The following GRIA3 variants were observed in gnomAD, a reference collection of about 807,000 sequenced individuals.
GRIA3 encodes glutamate receptor 3.
Under a neutral mutation model 63.0 loss-of-function variants are expected in GRIA3, and 3 were observed. The ratio of observed to expected loss-of-function variants is 0.05; its 90% CI spans 0.02 to 0.12. The LOEUF is 0.12. Among genes scored for constraint, GRIA3 ranks in the 10% least tolerant of loss-of-function variants. GRIA3 has a pLI of 1.00. For missense variants in GRIA3, 347 were observed against 700.9 expected (o/e 0.50, Z 5.70); for synonymous variants, 274 against 257.9 (o/e 1.06, Z -0.60).
At chrX:123,377,008 C>A (rs1346964910) in intron 5 of GRIA3, among the ~76,000 whole-genome samples, 1 of 102,107 alleles carries the variant, frequency 9.8e-6, no homozygotes, top group Admixed American at 1.1e-4. Context: ...TATCTCGGCT[C>A]ACTGGAAGCT....
At chrX:123,461,578 A>G (rs1290916668) in intron 12 of GRIA3, among the ~76,000 whole-genome samples, 1 of 111,985 alleles carries the variant, frequency 8.9e-6, no homozygotes, top group African/African-American at 3.2e-5. Flanking sequence ...TGTAACCAAG[A>G]TCATAAGCAC....
At chrX:123,209,199 T>C (rs952665089) in intron 2 of GRIA3, among the ~76,000 whole-genome samples, 2 of 111,854 alleles carry the variant, frequency 1.8e-5, no homozygotes, top group East Asian at 5.6e-4. Flanking sequence ...ACTAACCATA[T>C]TAGCTTGTAC....
chrX:123,376,547 T>C (rs1206723549), intron 5 of GRIA3, among the ~76,000 whole-genome samples: 1 of 112,608 alleles, frequency 8.9e-6, no homozygotes, highest in Non-Finnish European at 1.9e-5. Context: ...CATAATACAC[T>C]TTGAACCATG....
At chrX:123,290,586 C>CTGTGTGTGTGTGTG (rs761564682) in intron 3 of GRIA3, among the ~76,000 whole-genome samples, 3 of 90,173 alleles carry the variant, frequency 3.3e-5, no homozygotes, top group African/African-American at 8.1e-5. Context: ...CCTCAAAGGA[C>CTGTGTGTGTGTGTG]TGTGTGTGTG....
intron 3 of GRIA3, among the ~76,000 whole-genome samples, chrX:123,323,484 T>C (rs2147331023): frequency 8.9e-6 from 1 of 112,393 alleles, no homozygotes; most frequent in South Asian, 3.7e-4. Context: ...ATTTCTCCAT[T>C]GCTTATAATT....
intron 12 of GRIA3, among the ~76,000 whole-genome samples, chrX:123,458,947 T>C (rs376826217): frequency 8.9e-6 from 1 of 111,934 alleles, no homozygotes; most frequent in Non-Finnish European, 1.9e-5. Context: ...GAAGTAATGA[T>C]TCCGTAAATA....
intron 13 of GRIA3, 21 bp downstream of exon 13, chrX:123,465,133 A>G (rs1430926431): frequency 1.7e-6 from 2 of 1,193,866 alleles, no homozygotes; most frequent in African/African-American, 3.5e-5. Context: ...TAATATAACA[A>G]TATCCGTGTT....
At chrX:123,450,547 A>C (rs781417570) in intron 12 of GRIA3, among the ~76,000 whole-genome samples, 1 of 112,847 alleles carries the variant, frequency 8.9e-6, no homozygotes, top group South Asian at 3.7e-4. Flanking sequence ...AGAGAGAAGA[A>C]GGAGAATATA....
chrX:123,263,989 C>T (rs778638084), intron 3 of GRIA3, among the ~76,000 whole-genome samples: 1 of 111,776 alleles, frequency 8.9e-6, no homozygotes, highest in African/African-American at 3.3e-5. Flanking sequence ...TTCCCCTCCC[C>T]CTAAATAAAG....
In GRIA3 at chrX:123,403,424, A is replaced by C. The variant is rs757958473; in HGVS notation, c.1198A>C (p.Asn400His). The stretch of plus-strand genomic sequence containing the variant: ...CTTCTCTTTCTAGGCTGGCTACTGG[A>C]ATGAGTATGAAAGGTTTGTGCCTTT... ...VSGSRKAGYW[N>H]EYERFVPFSD... Residue 400 changes from asparagine (N) to histidine (H), a missense_variant, in exon 9 of 16, where the codon AAT becomes CAT. Coordinates refer to ENST00000620443, the MANE Select transcript of GRIA3 (RefSeq NM_007325.5). 14 of 1,169,635 alleles carry C rather than the reference A, an allele frequency of 1.2e-5. No homozygotes were observed. The Admixed American group carries it at 3.0e-4, about 25-fold the overall frequency.
intron 12 of GRIA3, among the ~76,000 whole-genome samples, chrX:123,448,676 TCAATAGA>T (rs1434444376): frequency 8.9e-6 from 1 of 112,252 alleles, no homozygotes; most frequent in Non-Finnish European, 1.9e-5. Flanking sequence ...TTTCAAGTGC[TCAATAGA>T]CATGTGTGGC....
intron 13 of GRIA3, chrX:123,465,637 G>T (rs1282158262): frequency 2.9e-6 from 3 of 1,030,546 alleles, no homozygotes; most frequent in Admixed American, 4.4e-5. Context: ...CTAAGCATTT[G>T]TGCATTTTCT....
chrX:123,281,127 C>T (rs1020292094), intron 3 of GRIA3, among the ~76,000 whole-genome samples: 14 of 111,640 alleles, frequency 1.3e-4, no homozygotes, highest in African/African-American at 4.2e-4. Context: ...AATCTCAACA[C>T]AGTAGGAGTA....
intron 2 of GRIA3, among the ~76,000 whole-genome samples, chrX:123,224,409 G>C (rs1406194069): frequency 9.0e-6 from 1 of 111,531 alleles, no homozygotes; most frequent in Admixed American, 9.6e-5. Flanking sequence ...CCCATTCCCA[G>C]TCTGCTCCTT....
At chrX:123,443,662 A>G in intron 12 of GRIA3, among the ~76,000 whole-genome samples, 1 of 111,275 alleles carries the variant, frequency 9.0e-6, no homozygotes, top group South Asian at 3.9e-4. Context: ...TTGGGTATTC[A>G]GGACTGTTAT....
intron 2 of GRIA3, among the ~76,000 whole-genome samples, chrX:123,246,057 G>A (rs1214687114): frequency 4.5e-5 from 5 of 111,247 alleles, no homozygotes; most frequent in African/African-American, 1.6e-4. Flanking sequence ...TTCAAGGAGA[G>A]GCAATATGAC....
intron 3 of GRIA3, among the ~76,000 whole-genome samples, chrX:123,321,988 T>C (rs780425446): frequency 1.8e-5 from 2 of 111,170 alleles, no homozygotes; most frequent in Non-Finnish European, 3.8e-5. Context: ...CAATCGGTCA[T>C]TGGATGCAGG....
intron 3 of GRIA3, among the ~76,000 whole-genome samples, chrX:123,285,672 G>A (rs1167122384): frequency 1.9e-5 from 2 of 107,798 alleles, no homozygotes; most frequent in Non-Finnish European, 3.8e-5. Context: ...AGACAAAGAA[G>A]GGAATTACAT....
intron 4 of GRIA3, among the ~76,000 whole-genome samples, chrX:123,329,709 G>A (rs1231727842): frequency 9.0e-6 from 1 of 111,725 alleles, no homozygotes; most frequent in Non-Finnish European, 1.9e-5. Context: ...AGAATTAAGA[G>A]CACTTTCCAT....
Sources: allele counts gnomAD v4.1 joint callset (sites outside exome capture counted in the v4.1 genomes callset), GRCh38; gene constraint gnomAD v4.1.1; transcripts MANE v1.5; gene names NCBI Gene and HGNC (gene_info 2026-07-23, HGNC 2026-07-21).